ARHGAP5: variants seen among roughly 807,000 people sequenced by gnomAD.
The protein encoded by ARHGAP5 is Rho GTPase activating protein 5.
A neutral mutation model predicts 116.6 loss-of-function variants in ARHGAP5; 23 were observed. The ratio of observed to expected loss-of-function variants is 0.20; its 90% CI spans 0.14 to 0.28. The LOEUF (loss-of-function observed/expected upper bound fraction) is 0.28, where lower values mean the gene tolerates loss of function less well. Ranked by LOEUF, ARHGAP5 falls within the 10% of genes least tolerant of loss-of-function variation. ARHGAP5 has a pLI of 1.00. For synonymous variants in ARHGAP5, 574 were observed against 602.0 expected (o/e 0.95, Z 0.68); for missense variants, 1,405 against 1,774.8 (o/e 0.79, Z 3.74).
rs778364824 is a variant in ARHGAP5 at position 32,154,906 on chromosome 14, G to A, written c.4467G>A (p.Leu1489=). The A allele has an allele frequency of 6.2e-7, 1 of 1,613,744 alleles. No individual in the cohort carries two copies. The highest frequency in any genetic ancestry group is 1.3e-5 in the African/African-American group (1 of 74,914). The part of the protein sequence containing the change: ...LQLPPPLQPQ[L]IQPQLQTDPL... Reference sequence around the variant, plus strand: ...TGCCGCCACCATTGCAACCTCAGCTGATACAACCACAATTACAAACGGATC... The same window carrying A: ...TGCCGCCACCATTGCAACCTCAGCTAATACAACCACAATTACAAACGGATC... Residue 1489 remains leucine, a synonymous_variant, in exon 7 of 7, where the codon CTG becomes CTA. Coordinates refer to ENST00000345122, the MANE Select transcript of ARHGAP5 (RefSeq NM_001030055.2).
chr14:32,111,258 G>C (rs1380134883), intron 2 of ARHGAP5, among the ~76,000 whole-genome samples: 1 of 152,188 alleles, frequency 6.6e-6, no homozygotes, highest in Non-Finnish European at 1.5e-5. Context: ...GCAAGATGCT[G>C]TCTCAAATAA....
chr14:32,123,682 T>A (rs528680525), intron 3 of ARHGAP5, among the ~76,000 whole-genome samples: 2 of 152,280 alleles, frequency 1.3e-5, no homozygotes, highest in East Asian at 3.9e-4. Context: ...CTTTAAAGAA[T>A]GTTAGATTTG....
intron 3 of ARHGAP5, among the ~76,000 whole-genome samples, chr14:32,144,066 A>G (rs576210657): frequency 2.0e-5 from 3 of 152,322 alleles, no homozygotes; most frequent in South Asian, 2.1e-4. Context: ...AGTTCCTGCT[A>G]TGACTTTTAC....
chr14:32,109,679 T>C (rs1451353474), intron 2 of ARHGAP5, among the ~76,000 whole-genome samples: 1 of 152,172 alleles, frequency 6.6e-6, no homozygotes, highest in Non-Finnish European at 1.5e-5. Context: ...TTTTGTATCA[T>C]GTGGTTAAGA....
chr14:32,140,115 CT>C (rs376976211), intron 3 of ARHGAP5, among the ~76,000 whole-genome samples: 5,094 of 25,428 alleles, frequency 0.2, 233 homozygotes, highest in Admixed American at 0.32. Flanking sequence ...TTTTTTTTTC[CT>C]TTTTTTTTTT....
chr14:32,124,027 C>G (rs1015946036), intron 3 of ARHGAP5, among the ~76,000 whole-genome samples: 3 of 152,160 alleles, frequency 2.0e-5, no homozygotes, highest in East Asian at 3.8e-4. Context: ...GATACTCTTT[C>G]TCTGTGTATT....
rs775985492 is a variant in ARHGAP5, at chr14:32,093,889, A to C, written c.3220A>C (p.Thr1074Pro). 1.2e-6 allele frequency: 2 copies of C among 1,614,150 alleles called. No individual in the cohort carries two copies. Among genetic ancestry groups the C allele is most frequent in the East Asian group, 2.2e-5 (1 of 44,880 alleles). ...TATTGGTAAAAATCCAAGAAAGCAGACTTCCCGGGTGCCTTTGGCACATCC... is the reference window on the plus strand; with the variant it reads ...TATTGGTAAAAATCCAAGAAAGCAGCCTTCCCGGGTGCCTTTGGCACATCC... The part of the protein sequence containing the change: ...AGIGKNPRKQ[T>P]SRVPLAHPED... Residue 1074 changes from threonine (T) to proline (P), a missense_variant, in exon 2 of 7, where the codon ACT becomes CCT. Thr to Pro is a conservative substitution (Grantham distance 38, BLOSUM62 -1). Around this residue, in one of 6 missense-constraint regions of ARHGAP5, gnomAD observed 944 missense variants for 1,095.3 expected, o/e 0.86. Transcript: ENST00000345122.
rs1477171249 is a variant in ARHGAP5 at position 32,149,944 on chromosome 14, C to G, written c.3986C>G (p.Ala1329Gly). ...GTGTCAATGGAAGTAACAGTAAATG[C>G]TGTAGCTGGAGCCCTTAAAGCTTTC... is the stretch of plus-strand genomic sequence containing the variant. The part of the protein sequence containing the change: ...NLVSMEVTVN[A>G]VAGALKAFFA... The change falls in exon 5 of 7, where the codon GCT (alanine) becomes GGT (glycine). Residue 1329 changes from alanine (A) to glycine (G), a missense_variant. Physicochemically the swap from Ala to Gly is moderately conservative, Grantham distance 60. Around this residue, in one of 6 missense-constraint regions of ARHGAP5, gnomAD observed 176 missense variants for 221.2 expected, o/e 0.80. Coordinates refer to ENST00000345122, the MANE Select transcript of ARHGAP5 (RefSeq NM_001030055.2). 1 of 1,596,704 alleles carries G rather than the reference C, an allele frequency of 6.3e-7. No homozygotes were observed. Among genetic ancestry groups the G allele is most frequent in the East Asian group, 2.3e-5 (1 of 44,148 alleles).
chr14:32,143,439 T>C (rs1436072589), intron 3 of ARHGAP5, among the ~76,000 whole-genome samples: 2 of 152,072 alleles, frequency 1.3e-5, no homozygotes, highest in Non-Finnish European at 2.9e-5. Context: ...AGAGACAGGG[T>C]TTCACCCTCT....
intron 3 of ARHGAP5, among the ~76,000 whole-genome samples, chr14:32,131,027 C>G (rs1880457848): frequency 6.6e-6 from 1 of 152,168 alleles, no homozygotes. Flanking sequence ...CACTTCACCT[C>G]CAAGTCATTT....
chr14:32,139,954 C>T (rs1026996171), intron 3 of ARHGAP5, among the ~76,000 whole-genome samples: 7 of 149,856 alleles, frequency 4.7e-5, no homozygotes, highest in African/African-American at 1.7e-4. Context: ...CCACTATATG[C>T]CAGACATTGC....
chr14:32,098,101 G>A lies in ARHGAP5; in HGVS notation c.3717+3715G>A, dbSNP rs547467448. ...CAAAAGTTTTTAAGAAATTTCACAT[G>A]CTGATTTGATAAATGGAAGAGTAAA... is the stretch of plus-strand genomic sequence containing the variant. On this transcript the variant is annotated intron_variant, in intron 2 of 6. Transcript: ENST00000345122. Among the ~76,000 whole-genome samples the A allele has an allele frequency of 1.3e-3, 191 of 152,280 alleles. 1 individual carries two copies. Among genetic ancestry groups the A allele is most frequent in the African/African-American group, 4.4e-3 (182 of 41,562 alleles).
chr14:32,089,321 TCTTA>T (rs1431010255), intron 1 of ARHGAP5, among the ~76,000 whole-genome samples: 5 of 151,884 alleles, frequency 3.3e-5, no homozygotes, highest in South Asian at 2.1e-4. Flanking sequence ...AGTGGTCTTT[TCTTA>T]CTTTTCTTAG....
At chr14:32,115,164 G>C (rs1207286520) in intron 2 of ARHGAP5, among the ~76,000 whole-genome samples, 1 of 152,120 alleles carries the variant, frequency 6.6e-6, no homozygotes, top group Non-Finnish European at 1.5e-5. Context: ...GCTATACCCT[G>C]CTCTAGAGAG....
intron 2 of ARHGAP5, among the ~76,000 whole-genome samples, chr14:32,112,646 G>T (rs1000375812): frequency 6.6e-6 from 1 of 152,206 alleles, no homozygotes; most frequent in Non-Finnish European, 1.5e-5. Context: ...GCCAAGGCGG[G>T]CAGATTACGA....
intron 2 of ARHGAP5, among the ~76,000 whole-genome samples, chr14:32,104,026 G>C (rs1427573505): frequency 6.6e-6 from 1 of 152,142 alleles, no homozygotes; most frequent in African/African-American, 2.4e-5. Flanking sequence ...TCTGAGTCAA[G>C]GTTTGGGTAT....
chr14:32,146,136 T>C, intron 3 of ARHGAP5, 127 bp from the exon 4 acceptor site: 1 of 621,146 alleles, frequency 1.6e-6, no homozygotes. Context: ...GGGCTCAAAC[T>C]CCTGGGCCAA....
intron 2 of ARHGAP5, among the ~76,000 whole-genome samples, chr14:32,099,341 T>A (rs541863712): frequency 2.6e-5 from 4 of 152,130 alleles, no homozygotes; most frequent in African/African-American, 9.7e-5. Context: ...TGTAGATACA[T>A]AGGAGACAGT....
intron 3 of ARHGAP5, among the ~76,000 whole-genome samples, chr14:32,144,994 G>A (rs1171575317): frequency 1.3e-5 from 2 of 152,126 alleles, no homozygotes; most frequent in East Asian, 3.8e-4. Flanking sequence ...TGATATGGGG[G>A]ACTTTTGTTT....
Sources: gnomAD v4.1 joint callset for allele counts (sites outside exome capture counted in the v4.1 genomes callset) on GRCh38, gnomAD v4.1.1 for gene constraint, gnomAD v4.1.1 regional missense constraint, MANE v1.5 for transcripts, NCBI Gene and HGNC (gene_info 2026-07-23, HGNC 2026-07-21) for gene names.